Variants in PDS5B observed in about 807,000 individuals in gnomAD.
PDS5B encodes PDS5 cohesin associated factor B.
PDS5B carries 51 observed loss-of-function variants against 184.1 expected under a neutral mutation model. The ratio of observed to expected loss-of-function variants is 0.28; its 90% confidence interval spans 0.22 to 0.35. The LOEUF is 0.35. Ranked by LOEUF, PDS5B falls within the 10% of genes least tolerant of loss-of-function variation. PDS5B has a pLI of 1.00. For missense variants in PDS5B, 1,180 were observed against 1,723.3 expected (o/e 0.68, Z 5.58); for synonymous variants, 566 against 569.2 (o/e 0.99, Z 0.08).
chr13:32,656,558 G>T (rs1430321791), intron 3 of PDS5B, among the ~76,000 whole-genome samples: 1 of 149,146 alleles, frequency 6.7e-6, no homozygotes, highest in Non-Finnish European at 1.5e-5. Flanking sequence ...TACCACCTTG[G>T]GTAGCTGTAT....
At chr13:32,756,345 C>G (rs1422630786) in intron 26 of PDS5B, among the ~76,000 whole-genome samples, 1 of 152,170 alleles carries the variant, frequency 6.6e-6, no homozygotes, top group Non-Finnish European at 1.5e-5. Context: ...TTTGCAATAA[C>G]TATCTTCCTC....
chr13:32,753,687 T>C (rs149720554), intron 25 of PDS5B, 151 bp downstream of exon 25: 23 of 575,796 alleles, frequency 4.0e-5, no homozygotes, highest in African/African-American at 3.9e-4. Context: ...TCATTTAATA[T>C]GAAGGTCATT....
intron 3 of PDS5B, among the ~76,000 whole-genome samples, chr13:32,653,139 C>G (rs1241400918): frequency 6.6e-6 from 1 of 151,928 alleles, no homozygotes; most frequent in African/African-American, 2.4e-5. Context: ...ACTCAAAATA[C>G]AAAAATTAGC....
Position 32,655,955 on chromosome 13 carries a change from T to C in PDS5B, c.313-2284T>C, listed in dbSNP as rs181483719. 2.1e-4 allele frequency among the ~76,000 whole-genome samples: 32 copies of C among 152,308 alleles called. No homozygotes were observed. In the East Asian group the frequency reaches 6.2e-3, roughly 29 times the overall value. ...GTCATCTTCCAGGGATTTTATAGTT[T>C]TAGGTTTTACATTTAAGTCTTTAAT... On this transcript the variant is annotated intron_variant, in intron 3 of 34. Coordinates refer to ENST00000315596, the MANE Select transcript of PDS5B (RefSeq NM_015032.4).
chr13:32,673,067 T>C (rs775082114), intron 7 of PDS5B, 149 bp from the exon 8 acceptor site: 6 of 677,592 alleles, frequency 8.9e-6, no homozygotes, highest in Non-Finnish European at 1.3e-5. Context: ...GTAGCCTATA[T>C]TGGTTTCCCA....
At chr13:32,587,200 G>A (rs553477210) in intron 1 of PDS5B, among the ~76,000 whole-genome samples, 4 of 150,662 alleles carry the variant, frequency 2.7e-5, no homozygotes, top group African/African-American at 9.8e-5. Flanking sequence ...CGCGCCGCCT[G>A]GCCTCCGCTT....
chr13:32,662,691 AT>A (rs1950682114), intron 6 of PDS5B, among the ~76,000 whole-genome samples: 1 of 152,136 alleles, frequency 6.6e-6, no homozygotes, highest in Non-Finnish European at 1.5e-5. Flanking sequence ...CCATGGCTAA[AT>A]GTACATTTCA....
At chr13:32,771,400 G>A (rs936815368) in intron 33 of PDS5B, among the ~76,000 whole-genome samples, 1 of 152,126 alleles carries the variant, frequency 6.6e-6, no homozygotes, top group Non-Finnish European at 1.5e-5. Context: ...TATCACTGCT[G>A]TAATTTGCAG....
intron 21 of PDS5B, among the ~76,000 whole-genome samples, chr13:32,736,293 C>CT (rs546718209): frequency 2.0e-5 from 3 of 150,704 alleles, no homozygotes; most frequent in Admixed American, 1.3e-4. Context: ...TACTTTAGTA[C>CT]TTTTTTTTTA....
intron 9 of PDS5B, among the ~76,000 whole-genome samples, chr13:32,678,050 A>C (rs1339833994): frequency 6.6e-6 from 1 of 152,112 alleles, no homozygotes; most frequent in African/African-American, 2.4e-5. Context: ...TCAAGTTTTT[A>C]GATCTAACTA....
At chr13:32,688,828 G>T in intron 13 of PDS5B, 3 of 391,874 alleles carry the variant, frequency 7.7e-6, no homozygotes, top group Non-Finnish European at 1.4e-5. Context: ...TCATATTGTT[G>T]GTGTCTCAAG....
chr13:32,721,186 C>T (rs979536756), intron 19 of PDS5B, among the ~76,000 whole-genome samples: 18 of 152,238 alleles, frequency 1.2e-4, no homozygotes, highest in African/African-American at 3.9e-4. Flanking sequence ...GGTGGCTGGG[C>T]AGAGGGGCTC....
intron 7 of PDS5B, among the ~76,000 whole-genome samples, chr13:32,668,110 T>C (rs967598267): frequency 1.3e-5 from 2 of 152,178 alleles, no homozygotes; most frequent in African/African-American, 4.8e-5. Context: ...TAGCAAGATA[T>C]TCTGTTTGTT....
chr13:32,759,230 G>A (rs1924606), intron 28 of PDS5B, among the ~76,000 whole-genome samples: 57,154 of 149,976 alleles, frequency 0.38, 11,415 homozygotes, highest in Non-Finnish European at 0.45. Flanking sequence ...TGCTTTTAAA[G>A]CAAAATGCCA....
intron 6 of PDS5B, among the ~76,000 whole-genome samples, chr13:32,663,827 T>C (rs1950715187): frequency 6.6e-6 from 1 of 152,238 alleles, no homozygotes; most frequent in Non-Finnish European, 1.5e-5. Context: ...CTGAGAAGTG[T>C]ACATTGTACC....
chr13:32,673,918 C>T (rs1951000835), intron 8 of PDS5B, among the ~76,000 whole-genome samples: 1 of 151,696 alleles, frequency 6.6e-6, no homozygotes, highest in Admixed American at 6.6e-5. Context: ...CGGGATCAAG[C>T]TACTCTTCCA....
intron 19 of PDS5B, among the ~76,000 whole-genome samples, chr13:32,729,095 T>C (rs1953011604): frequency 6.6e-6 from 1 of 151,714 alleles, no homozygotes; most frequent in African/African-American, 2.4e-5. Flanking sequence ...CTCCCTCCCC[T>C]TGCCCCCCAC....
chr13:32,687,025 TAA>T (rs918800010), intron 11 of PDS5B, 107 bp from the exon 12 acceptor site: 2 of 795,176 alleles, frequency 2.5e-6, no homozygotes, highest in Non-Finnish European at 4.1e-6. Flanking sequence ...ATCTGAGACT[TAA>T]AAAAATGTAT....
At chr13:32,613,642 A>T (rs2058175423) in intron 1 of PDS5B, among the ~76,000 whole-genome samples, 1 of 152,216 alleles carries the variant, frequency 6.6e-6, no homozygotes, top group African/African-American at 2.4e-5. Context: ...CAAGTGCCTT[A>T]TCATATATAT....
Sources: allele counts gnomAD v4.1 joint callset (sites outside exome capture counted in the v4.1 genomes callset), GRCh38; gene constraint gnomAD v4.1.1; transcripts MANE v1.5; gene names NCBI Gene and HGNC (gene_info 2026-07-23, HGNC 2026-07-21).